The following AUTS2 variants were observed in gnomAD, a reference collection of about 807,000 sequenced individuals.
AUTS2 encodes activator of transcription and developmental regulator AUTS2, also known as autism susceptibility gene 2 protein.
AUTS2 carries 17 observed loss-of-function variants against 112.4 expected under a neutral mutation model. The ratio of observed to expected loss-of-function variants is 0.15; its 90% CI spans 0.10 to 0.23. The LOEUF is 0.23. AUTS2 is among the 10% of genes least tolerant of loss of function. AUTS2 has a pLI of 1.00. For missense variants in AUTS2, 1,510 were observed against 1,701.6 expected, an observed-to-expected ratio of 0.89 and a Z score of 1.98; for synonymous variants, 751 against 702.7, an observed-to-expected ratio of 1.07 and a Z score of -1.09.
intron 4 of AUTS2, among the ~76,000 whole-genome samples, chr7:70,410,397 C>CA (rs1247203813): frequency 6.9e-4 from 85 of 123,340 alleles, no homozygotes; most frequent in South Asian, 1.1e-3. Context: ...GAGGGTTTGT[C>CA]TTTTATTTAT....
At chr7:70,073,501 A>G (rs1279260534) in intron 2 of AUTS2, among the ~76,000 whole-genome samples, 6 of 141,948 alleles carry the variant, frequency 4.2e-5, no homozygotes, top group Non-Finnish European at 9.1e-5. Context: ...ACAAAGTGAG[A>G]CCTCATCTCA....
At chr7:70,745,084 G>C (rs1158096014) in intron 6 of AUTS2, among the ~76,000 whole-genome samples, 1 of 151,852 alleles carries the variant, frequency 6.6e-6, no homozygotes, top group Non-Finnish European at 1.5e-5. Flanking sequence ...CTCTGCATTT[G>C]AGAAAAGTCC....
intron 5 of AUTS2, among the ~76,000 whole-genome samples, chr7:70,502,410 A>G (rs1798805127): frequency 6.6e-6 from 1 of 152,226 alleles, no homozygotes; most frequent in East Asian, 1.9e-4. Context: ...CCATACTGAA[A>G]TAGGAGATGG....
chr7:70,288,468 A>G (rs1295043902), intron 4 of AUTS2, among the ~76,000 whole-genome samples: 1 of 152,202 alleles, frequency 6.6e-6, no homozygotes, highest in Non-Finnish European at 1.5e-5. Context: ...TGAAGTCATC[A>G]GATTAGATTT....
intron 4 of AUTS2, among the ~76,000 whole-genome samples, chr7:70,156,323 A>C (rs1807755843): frequency 6.6e-6 from 1 of 152,190 alleles, no homozygotes; most frequent in South Asian, 2.1e-4. Context: ...TTGCTTTCCC[A>C]GAATGCCCTG....
At chr7:70,511,561 C>CTT (rs3974587) in intron 5 of AUTS2, among the ~76,000 whole-genome samples, 13 of 70,102 alleles carry the variant, frequency 1.9e-4, no homozygotes, top group African/African-American at 3.0e-4. Context: ...TTTTCATTTT[C>CTT]TTTTTTTTTT....
At chr7:70,193,298 G>A (rs371631718) in intron 4 of AUTS2, among the ~76,000 whole-genome samples, 18 of 152,104 alleles carry the variant, frequency 1.2e-4, no homozygotes, top group Admixed American at 3.9e-4. Flanking sequence ...GAAAAGAAAC[G>A]GCTTTTGAAG....
At chr7:69,825,892 C>T (rs1359249119) in intron 1 of AUTS2, 2 of 152,226 alleles carry the variant, frequency 1.3e-5, no homozygotes, top group Non-Finnish European at 2.9e-5. Flanking sequence ...AAGCAATTAA[C>T]GTAGTGCCAT....
At chr7:70,642,936 G>A (rs1287922883) in intron 5 of AUTS2, among the ~76,000 whole-genome samples, 1 of 152,184 alleles carries the variant, frequency 6.6e-6, no homozygotes, top group African/African-American at 2.4e-5. Context: ...ATTTCCACTT[G>A]CCAGGTGAAG....
chr7:70,500,805 T>G (rs1798743041), intron 5 of AUTS2, among the ~76,000 whole-genome samples: 1 of 152,092 alleles, frequency 6.6e-6, no homozygotes. Context: ...CACTGCAACT[T>G]CAGCCTCCCA....
chr7:70,496,019 ACCCC>A (rs560797976), intron 5 of AUTS2, among the ~76,000 whole-genome samples: 2 of 64,868 alleles, frequency 3.1e-5, no homozygotes, highest in South Asian at 4.5e-4. Context: ...ACACACACAC[ACCCC>A]CCCCACACAC....
At chr7:69,965,745 A>G (rs10235098) in intron 2 of AUTS2, among the ~76,000 whole-genome samples, 12,503 of 152,150 alleles carry the variant, frequency 0.082, 659 homozygotes, top group African/African-American at 0.14. Flanking sequence ...TGTGAATTCC[A>G]TAGACTCTCT....
chr7:70,235,548 A>G (rs939309662), intron 4 of AUTS2, among the ~76,000 whole-genome samples: 17 of 152,224 alleles, frequency 1.1e-4, no homozygotes, highest in African/African-American at 3.9e-4. Flanking sequence ...ATCACGTAAT[A>G]ACTAAAATAC....
rs534693112 is a variant in AUTS2 at position 70,429,624 on chromosome 7, C to A, written c.661-6128C>A. ...GGCCGGACCACAAGCTGTTTGCAAC[C>A]AACCTGCTGTGAGATTAGTATGGGG... is the stretch of plus-strand genomic sequence containing the variant. On this transcript the variant is annotated intron_variant, in intron 4 of 18. Transcript: ENST00000342771. Among the ~76,000 whole-genome samples the A allele has an allele frequency of 1.7e-3, 266 of 152,284 alleles. 2 individuals carry two copies. Among genetic ancestry groups the A allele is most frequent in the African/African-American group, 6.2e-3 (256 of 41,548 alleles).
intron 2 of AUTS2, among the ~76,000 whole-genome samples, chr7:69,901,914 G>A (rs1794983479): frequency 6.6e-6 from 1 of 152,106 alleles, no homozygotes; most frequent in South Asian, 2.1e-4. Flanking sequence ...ATGTTTCTTA[G>A]GCTCCTCCCT....
At chr7:70,457,309 G>T (rs979243669) in intron 5 of AUTS2, among the ~76,000 whole-genome samples, 8 of 152,192 alleles carry the variant, frequency 5.3e-5, no homozygotes, top group African/African-American at 1.9e-4. Context: ...ATGAAGTCCT[G>T]CATGCCACAG....
chr7:69,827,096 G>A (rs758776260), intron 1 of AUTS2, among the ~76,000 whole-genome samples: 17 of 152,096 alleles, frequency 1.1e-4, no homozygotes, highest in Non-Finnish European at 2.1e-4. Flanking sequence ...CTTTCCTTGG[G>A]CCCCAGAACT....
intron 2 of AUTS2, among the ~76,000 whole-genome samples, chr7:70,000,507 C>T (rs1014681971): frequency 2.6e-5 from 4 of 152,156 alleles, no homozygotes; most frequent in Non-Finnish European, 4.4e-5. Context: ...AGTTAGAATA[C>T]ACTTTTGTGG....
At chr7:70,423,724 A>G (rs1795316164) in intron 4 of AUTS2, among the ~76,000 whole-genome samples, 1 of 152,038 alleles carries the variant, frequency 6.6e-6, no homozygotes, top group African/African-American at 2.4e-5. Flanking sequence ...GTGAAATAAA[A>G]CTATTAGTTA....
Sources: gnomAD v4.1 joint callset for allele counts (sites outside exome capture counted in the v4.1 genomes callset) on GRCh38, gnomAD v4.1.1 for gene constraint, MANE v1.5 for transcripts, NCBI Gene and HGNC (gene_info 2026-07-23, HGNC 2026-07-21) for gene names.